The following DCHS2 variants were observed in gnomAD, a reference collection of about 807,000 sequenced individuals.
DCHS2 encodes the protein protocadherin-23.
Under a neutral mutation model 182.4 loss-of-function variants are expected in DCHS2, and 142 were observed. The ratio of observed to expected loss-of-function variants is 0.78; its 90% CI spans 0.68 to 0.89. The LOEUF is 0.89. Among genes scored for constraint, DCHS2 ranks in the 40% least tolerant of loss-of-function variants. DCHS2 has a pLI of 0.00. For missense variants in DCHS2, 4,319 were observed against 4,198.6 expected (o/e 1.03, Z -0.79); for synonymous variants, 1,740 against 1,663.3 (o/e 1.05, Z -1.12).
In DCHS2 at chr4:154,259,511, C is replaced by T. The variant is rs576442486; in HGVS notation, c.6789+34G>A. 4.6e-5 allele frequency: 74 copies of T among 1,604,044 alleles called. No homozygotes were observed. In the African/African-American group the frequency reaches 8.6e-4, roughly 19 times the overall value. On this transcript the variant is annotated intron_variant, in intron 15 of 19. Coordinates refer to ENST00000357232, the MANE Select transcript of DCHS2 (RefSeq NM_001358235.2). ...TCACACAGACACACCCACACACACA[C>T]ACACACACACACACACAAATATATT...
chr4:154,234,858 G>A lies in DCHS2; in HGVS notation c.9794C>T (p.Pro3265Leu). The A allele has an allele frequency of 6.2e-7, 1 of 1,614,078 alleles. No homozygotes were observed. The highest frequency in any genetic ancestry group is 8.5e-7 in the Non-Finnish European group (1 of 1,179,958). ...AKLKDEHLHM[P>L]GIPKEKKSFV... is the part of the protein sequence containing the mutation. The stretch of plus-strand genomic sequence containing the variant: ...AGATTTCTTCTCTTTTGGAATGCCA[G>A]GCATATGCAAATGTTCATCCTTTAG... Residue 3265 changes from proline to leucine, a missense_variant, in exon 20 of 20, where the codon CCT becomes CTT. Transcript: ENST00000357232.
At chr4:154,351,813 G>A (rs1416522389) in intron 3 of DCHS2, among the ~76,000 whole-genome samples, 3 of 152,256 alleles carry the variant, frequency 2.0e-5, no homozygotes, top group East Asian at 3.9e-4. Context: ...AGGAGGTAGA[G>A]CTCCGGCGGT....
At chr4:154,476,018 C>T (rs1029401135) in intron 1 of DCHS2, among the ~76,000 whole-genome samples, 4 of 152,094 alleles carry the variant, frequency 2.6e-5, no homozygotes, top group African/African-American at 7.2e-5. Flanking sequence ...AAGTGCCTCA[C>T]AATATTGGCA....
chr4:154,362,854 C>T (rs1730188652), intron 3 of DCHS2, among the ~76,000 whole-genome samples: 1 of 152,102 alleles, frequency 6.6e-6, no homozygotes, highest in African/African-American at 2.4e-5. Context: ...ATAATAACTT[C>T]CCATCTCTAG....
Position 154,329,503 on chromosome 4 carries a change from TG to T in DCHS2, c.3918+19del. 1 of 1,605,010 alleles carries T rather than the reference TG, an allele frequency of 6.2e-7. No individual in the cohort carries two copies. Among genetic ancestry groups the T allele is most frequent in the Non-Finnish European group, 8.5e-7 (1 of 1,173,258 alleles). ...ATGACTTAAGATATTACAAATTCAT[TG>T]CAAGGTTTCTTCACAAACCTTCACG... On this transcript the variant is annotated intron_variant, in intron 6 of 19. Transcript: ENST00000357232.
chr4:154,323,544 C>G (rs570716471), intron 7 of DCHS2, among the ~76,000 whole-genome samples: 1 of 152,076 alleles, frequency 6.6e-6, no homozygotes, highest in Non-Finnish European at 1.5e-5. Flanking sequence ...ATTAATTATT[C>G]TTTAAGTTTT....
chr4:154,427,773 T>C (rs1162084809), intron 1 of DCHS2, among the ~76,000 whole-genome samples: 114 of 152,308 alleles, frequency 7.5e-4, no homozygotes, highest in Admixed American at 7.3e-3. Flanking sequence ...AGACTCCTTC[T>C]ACCACCTCCC....
chr4:154,340,233 T>C (rs1400354387), intron 3 of DCHS2, among the ~76,000 whole-genome samples: 1 of 152,148 alleles, frequency 6.6e-6, no homozygotes, highest in African/African-American at 2.4e-5. Context: ...AGAATGAATA[T>C]CATGGATATT....
At chr4:154,350,185 A>G (rs931654729) in intron 3 of DCHS2, among the ~76,000 whole-genome samples, 2 of 152,238 alleles carry the variant, frequency 1.3e-5, no homozygotes, top group African/African-American at 4.8e-5. Context: ...GCATGAGCAC[A>G]TGGTGACTGT....
intron 1 of DCHS2, among the ~76,000 whole-genome samples, chr4:154,446,868 T>C (rs1215066930): frequency 6.6e-6 from 1 of 152,190 alleles, no homozygotes; most frequent in Non-Finnish European, 1.5e-5. Flanking sequence ...GTTAGCTTGT[T>C]TTCTCATCAA....
In DCHS2 at chr4:154,327,692, C is replaced by T. The variant is rs916704868; in HGVS notation, c.4018+401G>A. Among the ~76,000 whole-genome samples, 5 of 152,140 alleles carry T rather than the reference C, an allele frequency of 3.3e-5. No homozygotes were observed. In the East Asian group the frequency reaches 7.7e-4, roughly 23 times the overall value. ...TGTGACATTTTCTAGGCATGATTTA[C>T]TCTGACCTTACAAGTATTCAGTCTT... is the stretch of plus-strand genomic sequence containing the variant. On this transcript the variant is annotated intron_variant, in intron 7 of 19. Transcript: ENST00000357232.
intron 1 of DCHS2, among the ~76,000 whole-genome samples, chr4:154,443,300 G>A (rs1208878927): frequency 6.6e-6 from 1 of 152,078 alleles, no homozygotes. Context: ...ACAACCTCAA[G>A]TGACAATCGA....
chr4:154,338,738 A>G (rs1478741370), intron 3 of DCHS2, among the ~76,000 whole-genome samples: 4 of 152,244 alleles, frequency 2.6e-5, no homozygotes, highest in Admixed American at 6.5e-5. Context: ...ACAATAGAAT[A>G]CTGTGTAGCA....
intron 3 of DCHS2, among the ~76,000 whole-genome samples, chr4:154,336,012 A>T (rs1417500951): frequency 1.3e-5 from 2 of 152,200 alleles, no homozygotes; most frequent in African/African-American, 2.4e-5. Context: ...TCCCAAGTCT[A>T]CAGGATGAAA....
At chr4:154,329,948 T>C (rs1371450374) in intron 5 of DCHS2, among the ~76,000 whole-genome samples, 1 of 152,252 alleles carries the variant, frequency 6.6e-6, no homozygotes, top group African/African-American at 2.4e-5. Context: ...ATCGATCATT[T>C]GAACTAATAA....
intron 1 of DCHS2, among the ~76,000 whole-genome samples, chr4:154,427,320 A>G (rs1456540775): frequency 2.0e-5 from 3 of 152,232 alleles, no homozygotes; most frequent in Admixed American, 2.0e-4. Context: ...GTACCACCAC[A>G]GAGTTTCAGC....
At chr4:154,414,620 T>G (rs1732761858) in intron 1 of DCHS2, among the ~76,000 whole-genome samples, 1 of 151,728 alleles carries the variant, frequency 6.6e-6, no homozygotes. Flanking sequence ...TATCACTAAC[T>G]GTCACTGGAC....
intron 13 of DCHS2, among the ~76,000 whole-genome samples, chr4:154,271,006 T>C (rs1028824975): frequency 4.6e-5 from 7 of 152,034 alleles, no homozygotes; most frequent in African/African-American, 1.7e-4. Flanking sequence ...CAGTTAGGTA[T>C]AGGAATTGGA....
intron 10 of DCHS2, among the ~76,000 whole-genome samples, chr4:154,311,304 G>A (rs776115438): frequency 4.6e-5 from 7 of 152,106 alleles, no homozygotes; most frequent in Non-Finnish European, 8.8e-5. Flanking sequence ...GCACAGTCGT[G>A]GCTCACGGCA....
Sources: gnomAD v4.1 joint callset for allele counts (sites outside exome capture counted in the v4.1 genomes callset) on GRCh38, gnomAD v4.1.1 for gene constraint, MANE v1.5 for transcripts, NCBI Gene and HGNC (gene_info 2026-07-23, HGNC 2026-07-21) for gene names.